The following AUTS2 variants were observed in gnomAD, a reference collection of about 807,000 sequenced individuals.
AUTS2 encodes the protein autism susceptibility gene 2 protein.
A neutral mutation model predicts 112.4 loss-of-function variants in AUTS2; 17 were observed. That is an observed-to-expected ratio of 0.15 (90% CI 0.10 to 0.23). The LOEUF (loss-of-function observed/expected upper bound fraction) is 0.23. AUTS2 is among the 10% of genes least tolerant of loss of function. The probability of loss-of-function intolerance (pLI) is 1.00; values close to 1 mark genes in which losing one functional copy is unlikely to be tolerated. For missense variants in AUTS2, 1,510 were observed against 1,701.6 expected (o/e 0.89, Z 1.98); for synonymous variants, 751 against 702.7 (o/e 1.07, Z -1.09).
chr7:69,745,998 T>C (rs1433321035), intron 1 of AUTS2, among the ~76,000 whole-genome samples: 1 of 152,072 alleles, frequency 6.6e-6, no homozygotes, highest in Non-Finnish European at 1.5e-5. Flanking sequence ...CTCAACTTCT[T>C]GAGTGGCTGA....
At chr7:70,753,854 G>T (rs1789014894) in intron 6 of AUTS2, among the ~76,000 whole-genome samples, 1 of 152,174 alleles carries the variant, frequency 6.6e-6, no homozygotes, top group South Asian at 2.1e-4. Flanking sequence ...GACAGGTGAA[G>T]GTAATTAAAT....
intron 6 of AUTS2, among the ~76,000 whole-genome samples, chr7:70,736,092 C>T (rs759088865): frequency 6.6e-6 from 1 of 151,560 alleles, no homozygotes; most frequent in Non-Finnish European, 1.5e-5. Context: ...TGTTAATAGA[C>T]CATAAAGTGA....
intron 1 of AUTS2, among the ~76,000 whole-genome samples, chr7:69,600,462 C>G (rs991555762): frequency 1.3e-5 from 2 of 150,288 alleles, no homozygotes; most frequent in Admixed American, 6.6e-5. Flanking sequence ...ATATACCTTT[C>G]CCGGGTGTCC....
At chr7:70,578,311 A>G (rs1389994345) in intron 5 of AUTS2, among the ~76,000 whole-genome samples, 1 of 152,188 alleles carries the variant, frequency 6.6e-6, no homozygotes, top group Non-Finnish European at 1.5e-5. Flanking sequence ...GGAGGCTTGT[A>G]TTGAAGATTC....
chr7:70,245,167 TATAA>T (rs1812850896), intron 4 of AUTS2, among the ~76,000 whole-genome samples: 2 of 137,888 alleles, frequency 1.5e-5, no homozygotes, highest in African/African-American at 5.5e-5. Context: ...TATATATATA[TATAA>T]AAAATAAAAA....
Position 70,417,167 on chromosome 7 carries a change from A to G in AUTS2, c.661-18585A>G, listed in dbSNP as rs529029798. Among the ~76,000 whole-genome samples the G allele has an allele frequency of 4.6e-5, 7 of 152,324 alleles. No individual in the cohort carries two copies. The East Asian group carries it at 1.4e-3, about 29-fold the overall frequency. On this transcript the variant is annotated intron_variant, in intron 4 of 18. Coordinates refer to ENST00000342771, the MANE Select transcript of AUTS2 (RefSeq NM_015570.4). ...ACACATTTCCAATGATTAAAATGTA[A>G]TTAGCACAACTGAGTGCCTCCTCCC...
At chr7:70,258,496 AT>A (rs1208070451) in intron 4 of AUTS2, among the ~76,000 whole-genome samples, 1 of 152,146 alleles carries the variant, frequency 6.6e-6, no homozygotes, top group Non-Finnish European at 1.5e-5. Flanking sequence ...TTCTTTGAAC[AT>A]TTTTAGAAAG....
In AUTS2 at chr7:70,790,231, G is replaced by A. The variant is rs373113343; in HGVS notation, c.3015G>A (p.Pro1005=). The A allele has an allele frequency of 5.1e-4, 825 of 1,612,586 alleles. 6 individuals are homozygous for A. The South Asian group carries it at 6.3e-3, about 12-fold the overall frequency. ...CGCAGACCCACCGGGCCTCGGAGCC[G>A]CCGCCTCCCAACTCCTCGTCCAGCG... ...EAPQTHRASE[P]PPPNSSSSVH... is the part of the protein sequence containing the mutation. The change falls in exon 19 of 19, where the codon CCG becomes CCA. Residue 1005 remains proline (P), a synonymous_variant. Transcript: ENST00000342771. The surrounding 1 kb of genome is among the most constrained non-coding windows in gnomAD (Gnocchi z 7.6).
At position 69,874,002 on chromosome 7, in the gene AUTS2, A is replaced by G. The variant is rs185197602; in HGVS notation, c.310-25284A>G. On this transcript the variant is annotated intron_variant, in intron 1 of 18. Coordinates refer to ENST00000342771, the MANE Select transcript of AUTS2 (RefSeq NM_015570.4). ...AAGAACAAGTGTTTTGTTAAGGATA[A>G]TGGAAACTTTAAAGCTAAGTAGAAG... is the stretch of plus-strand genomic sequence containing the variant. Among the ~76,000 whole-genome samples the G allele has an allele frequency of 1.9e-3, 287 of 152,344 alleles. 1 individual carries two copies. The highest frequency in any genetic ancestry group is 3.1e-3 in the Admixed American group (48 of 15,302).
intron 5 of AUTS2, among the ~76,000 whole-genome samples, chr7:70,684,550 G>T (rs923669589): frequency 6.6e-6 from 1 of 151,326 alleles, no homozygotes; most frequent in Non-Finnish European, 1.5e-5. Context: ...GTGGTGTGGC[G>T]TGGCGTGGCG....
Position 70,764,919 on chromosome 7 carries a change from C to A in AUTS2, c.1382C>A (p.Ala461Asp). ...CACTCACATCACCCCAATATGTTTG[C>A]CCCTCCCACTGCTCTGCCTCCTCCA... ...PAHSHHPNMF[A>D]PPTALPPPPP... Residue 461 changes from alanine (A) to aspartate (D), a missense_variant, in exon 8 of 19, where the codon GCC (alanine) becomes GAC (aspartate). Physicochemically the swap from Ala to Asp is moderately radical, Grantham distance 126 (BLOSUM62 -2). Coordinates refer to ENST00000342771, the MANE Select transcript of AUTS2 (RefSeq NM_015570.4). The A allele has an allele frequency of 6.3e-7, 1 of 1,597,888 alleles. No individual in the cohort carries two copies. Among genetic ancestry groups the A allele is most frequent in the Non-Finnish European group, 8.5e-7 (1 of 1,173,222 alleles).
chr7:69,928,594 T>C (rs1336960091), intron 2 of AUTS2, among the ~76,000 whole-genome samples: 1 of 152,130 alleles, frequency 6.6e-6, no homozygotes, highest in Admixed American at 6.5e-5. Context: ...TGTGCACATA[T>C]GCCGCTAAGT....
rs73435040 is a variant in AUTS2, at chr7:70,678,120, A to G, written c.691-20449A>G. On this transcript the variant is annotated intron_variant, in intron 5 of 18. Coordinates refer to ENST00000342771, the MANE Select transcript of AUTS2 (RefSeq NM_015570.4). ...AAATAATAATAATAATAATTTTAGT[A>G]GGTTCTACCTTCCCCACGTGTAGTT... Among the ~76,000 whole-genome samples the G allele has an allele frequency of 3.3e-3, 507 of 152,222 alleles. 1 individual carries two copies. The highest frequency in any genetic ancestry group is 0.012 in the African/African-American group (490 of 41,544).
At chr7:69,641,991 T>A (rs1473087114) in intron 1 of AUTS2, among the ~76,000 whole-genome samples, 1 of 152,224 alleles carries the variant, frequency 6.6e-6, no homozygotes, top group Non-Finnish European at 1.5e-5. Context: ...GAAGTCAGCC[T>A]GACTCAGTTT....
At chr7:69,729,624 A>G (rs1786693105) in intron 1 of AUTS2, among the ~76,000 whole-genome samples, 1 of 152,050 alleles carries the variant, frequency 6.6e-6, no homozygotes. Context: ...CTTCTGTTGT[A>G]AGTTTTCTAT....
At chr7:70,517,384 C>G (rs1799458193) in intron 5 of AUTS2, among the ~76,000 whole-genome samples, 1 of 151,984 alleles carries the variant, frequency 6.6e-6, no homozygotes, top group African/African-American at 2.4e-5. Context: ...TGAATCTTAG[C>G]TGCAAATCCC....
At chr7:69,937,338 G>T (rs552873768) in intron 2 of AUTS2, among the ~76,000 whole-genome samples, 3 of 152,178 alleles carry the variant, frequency 2.0e-5, no homozygotes, top group African/African-American at 7.2e-5. Flanking sequence ...GCCTTTTCCT[G>T]CCGTCGGAAA....
chr7:70,604,568 G>C (rs1034382933), intron 5 of AUTS2, among the ~76,000 whole-genome samples: 2 of 152,238 alleles, frequency 1.3e-5, no homozygotes, highest in African/African-American at 4.8e-5. Flanking sequence ...CTTGCCCCTA[G>C]GCCCTACTTT....
intron 5 of AUTS2, among the ~76,000 whole-genome samples, chr7:70,474,029 C>T (rs947297079): frequency 5.3e-5 from 8 of 152,114 alleles, no homozygotes; most frequent in African/African-American, 1.4e-4. Context: ...CTCTTTTGCC[C>T]GTAGACTCAC....
Sources: allele counts gnomAD v4.1 joint callset (sites outside exome capture counted in the v4.1 genomes callset), GRCh38; gene constraint gnomAD v4.1.1; non-coding constraint Gnocchi (gnomAD v3.1); transcripts MANE v1.5; gene names NCBI Gene and HGNC (gene_info 2026-07-23, HGNC 2026-07-21).